DYNC1I1: variants seen among roughly 807,000 people sequenced by gnomAD.
DYNC1I1 encodes the protein cytoplasmic dynein 1 intermediate chain 1.
In DYNC1I1, 43 loss-of-function variants were observed where a neutral mutation model predicts 86.6. The observed-to-expected ratio is 0.50, with a 90% CI of 0.39 to 0.64. The LOEUF (loss-of-function observed/expected upper bound fraction) is 0.64, where lower values mean the gene tolerates loss of function less well. Ranked by LOEUF, DYNC1I1 falls within the 30% of genes least tolerant of loss-of-function variation. The probability of loss-of-function intolerance (pLI) is 0.00; values close to 1 mark genes in which losing one functional copy is unlikely to be tolerated. For synonymous variants in DYNC1I1, 262 were observed against 283.7 expected (o/e 0.92, Z 0.77); for missense variants, 604 against 788.8 (o/e 0.77, Z 2.81).
rs117034572 is a variant in DYNC1I1 at position 95,854,548 on chromosome 7, G to T, written c.375-15335G>T. 6.4e-3 allele frequency among the ~76,000 whole-genome samples: 970 copies of T among 152,082 alleles called. 21 individuals carry two copies. Among genetic ancestry groups the T allele is most frequent in the East Asian group, 0.029 (150 of 5,176 alleles). ...TAATAGTTTTTCTTTTAACCTTCATGTTAAAAATGTTAGTGATTTACACAC... is the reference window on the plus strand; with the variant it reads ...TAATAGTTTTTCTTTTAACCTTCATTTTAAAAATGTTAGTGATTTACACAC... On this transcript the variant is annotated intron_variant, in intron 5 of 16. Transcript: ENST00000447467.
intron 10 of DYNC1I1, among the ~76,000 whole-genome samples, chr7:96,002,245 A>T (rs1283845783): frequency 6.6e-6 from 1 of 152,146 alleles, no homozygotes; most frequent in Admixed American, 6.5e-5. Flanking sequence ...GGCCCTGTTC[A>T]CATTGGTCAA....
intron 14 of DYNC1I1, among the ~76,000 whole-genome samples, chr7:96,049,175 G>A (rs559480230): frequency 4.0e-5 from 6 of 150,470 alleles, no homozygotes; most frequent in African/African-American, 9.8e-5. Flanking sequence ...GGAGAATGGC[G>A]TGAACCCAGG....
At chr7:95,879,254 TA>T in intron 6 of DYNC1I1, among the ~76,000 whole-genome samples, 1 of 152,186 alleles carries the variant, frequency 6.6e-6, no homozygotes, top group Non-Finnish European at 1.5e-5. Context: ...AGCAGTGATA[TA>T]AAACACTATA....
intron 6 of DYNC1I1, among the ~76,000 whole-genome samples, chr7:95,926,440 A>G (rs1791747515): frequency 6.6e-6 from 1 of 152,224 alleles, no homozygotes; most frequent in Admixed American, 6.6e-5. Context: ...TGATACTGAT[A>G]AAATGATATC....
At chr7:96,108,840 G>A (rs1435247179) in intron 16 of DYNC1I1, among the ~76,000 whole-genome samples, 3 of 141,708 alleles carry the variant, frequency 2.1e-5, no homozygotes, top group East Asian at 4.1e-4. Context: ...CAGCCTTGGC[G>A]ACAGAGTAAG....
chr7:95,824,341 A>AT, intron 4 of DYNC1I1, among the ~76,000 whole-genome samples: 2 of 151,928 alleles, frequency 1.3e-5, no homozygotes, highest in Middle Eastern at 6.8e-3. Context: ...TTCCTTGAAC[A>AT]TTTTTTCAAC....
At chr7:95,975,484 T>C (rs974138034) in intron 6 of DYNC1I1, among the ~76,000 whole-genome samples, 2 of 152,190 alleles carry the variant, frequency 1.3e-5, no homozygotes, top group Admixed American at 6.5e-5. Context: ...GTTCTTCCTA[T>C]GTTTGTGTGT....
chr7:95,960,078 T>G (rs319339), intron 6 of DYNC1I1, among the ~76,000 whole-genome samples: 123,522 of 152,132 alleles, frequency 0.81, 50,522 homozygotes, highest in East Asian at 0.92. Context: ...CCTTTATGTT[T>G]TTTGTGAAAT....
At chr7:95,802,964 T>C (rs1212234559) in intron 1 of DYNC1I1, among the ~76,000 whole-genome samples, 1 of 152,204 alleles carries the variant, frequency 6.6e-6, no homozygotes, top group African/African-American at 2.4e-5. Context: ...ATTTTACCTA[T>C]TCCTCAATGC....
At chr7:95,836,371 C>A (rs1358277085) in intron 5 of DYNC1I1, among the ~76,000 whole-genome samples, 2 of 151,876 alleles carry the variant, frequency 1.3e-5, no homozygotes, top group African/African-American at 2.4e-5. Flanking sequence ...TTGAGGGTAA[C>A]CCGACCTTTC....
intron 1 of DYNC1I1, chr7:95,802,927 T>G (rs1446787703): frequency 6.6e-6 from 1 of 152,270 alleles, no homozygotes; most frequent in African/African-American, 2.4e-5. Flanking sequence ...CTTGCTAGTT[T>G]CTGACCTCAT....
chr7:95,986,015 T>A (rs1456255421), intron 8 of DYNC1I1, among the ~76,000 whole-genome samples: 1 of 142,424 alleles, frequency 7.0e-6, no homozygotes, highest in Non-Finnish European at 1.5e-5. Context: ...CCTAGGCTCC[T>A]GGCAGGACGT....
At chr7:96,084,638 G>T (rs1391776368) in intron 16 of DYNC1I1, among the ~76,000 whole-genome samples, 1 of 151,898 alleles carries the variant, frequency 6.6e-6, no homozygotes. Context: ...GGCCAGGCTG[G>T]TCTCGAACTC....
At position 95,822,714 on chromosome 7, in the gene DYNC1I1, C is replaced by G. The variant is rs1795103642; in HGVS notation, c.315-5343C>G. On this transcript the variant is annotated intron_variant, in intron 4 of 16. Coordinates refer to ENST00000447467, the MANE Select transcript of DYNC1I1 (RefSeq NM_001135556.2). ...CTAGACAGAACCTCAGAAAGTTAGC[C>G]TAAGAAATCAATTGAAACTAATCAG... 2.0e-5 allele frequency among the ~76,000 whole-genome samples: 3 copies of G among 151,964 alleles called. No homozygotes were observed. In the South Asian group the frequency reaches 6.3e-4, roughly 32 times the overall value.
intron 6 of DYNC1I1, among the ~76,000 whole-genome samples, chr7:95,916,296 A>C (rs1014252046): frequency 6.6e-6 from 1 of 152,232 alleles, no homozygotes; most frequent in Non-Finnish European, 1.5e-5. Context: ...TGCCAATAAA[A>C]GCCTTTGATT....
chr7:96,010,190 AG>A (rs2115842866), intron 10 of DYNC1I1, among the ~76,000 whole-genome samples: 1 of 152,202 alleles, frequency 6.6e-6, no homozygotes. Context: ...AGGTGATCTG[AG>A]GTAGAATGCA....
intron 6 of DYNC1I1, among the ~76,000 whole-genome samples, chr7:95,949,915 C>T (rs1380160009): frequency 6.6e-6 from 1 of 152,062 alleles, no homozygotes; most frequent in African/African-American, 2.4e-5. Flanking sequence ...TTTCTTTTGG[C>T]CTGAGCATTG....
chr7:95,904,219 G>T (rs1331319052), intron 6 of DYNC1I1, among the ~76,000 whole-genome samples: 1 of 152,102 alleles, frequency 6.6e-6, no homozygotes, highest in Non-Finnish European at 1.5e-5. Context: ...ATTACTTCCA[G>T]AGTACTGTTA....
intron 6 of DYNC1I1, among the ~76,000 whole-genome samples, chr7:95,888,411 T>C (rs1191088242): frequency 2.6e-5 from 4 of 152,128 alleles, no homozygotes; most frequent in African/African-American, 9.7e-5. Flanking sequence ...TAGTCCAGCC[T>C]GGGCAACAGA....
Sources: gnomAD v4.1 joint callset for allele counts (sites outside exome capture counted in the v4.1 genomes callset) on GRCh38, gnomAD v4.1.1 for gene constraint, MANE v1.5 for transcripts, NCBI Gene and HGNC (gene_info 2026-07-23, HGNC 2026-07-21) for gene names.